SORT1: variants seen among roughly 807,000 people sequenced by gnomAD.
SORT1 encodes the protein sortilin 1, also known as sortilin.
In SORT1, 39 loss-of-function variants were observed where a neutral mutation model predicts 101.7. The ratio of observed to expected loss-of-function variants is 0.38; its 90% confidence interval spans 0.30 to 0.50. The LOEUF (loss-of-function observed/expected upper bound fraction) is 0.50, where lower values mean the gene tolerates loss of function less well. Among genes scored for constraint, SORT1 ranks in the 20% least tolerant of loss-of-function variants. The pLI is 0.90. For missense variants in SORT1, 878 were observed against 1,040.4 expected, an observed-to-expected ratio of 0.84 and a Z score of 2.15; for synonymous variants, 396 against 393.7, an observed-to-expected ratio of 1.01 and a Z score of -0.07.
intron 3 of SORT1, among the ~76,000 whole-genome samples, chr1:109,362,486 T>C (rs1650789290): frequency 6.6e-6 from 1 of 152,212 alleles, no homozygotes; most frequent in African/African-American, 2.4e-5. Context: ...GAATTCATAA[T>C]AAACTTAATT....
rs988285986 is a variant in SORT1 at position 109,313,190 on chromosome 1, G to A, written c.*853C>T. Reference sequence around the variant, plus strand: ...CCTGGGCAGACTTCCAGCTAAGTTTGTACCCTGTCCTTGCGTAAGTCTACT... The same window carrying A: ...CCTGGGCAGACTTCCAGCTAAGTTTATACCCTGTCCTTGCGTAAGTCTACT... On this transcript the variant is annotated 3_prime_UTR_variant, in exon 20 of 20. Transcript: ENST00000256637. The A allele has an allele frequency of 6.6e-6, 1 of 152,458 alleles. No individual in the cohort carries two copies. The highest frequency in any genetic ancestry group is 1.5e-5 in the Non-Finnish European group (1 of 68,040). 9.4% of individuals were successfully genotyped at this position (152,458 alleles called of 1,614,324 possible).
chr1:109,345,955 A>T, intron 7 of SORT1, 74 bp from the exon 8 acceptor site: 1 of 1,279,444 alleles, frequency 7.8e-7, no homozygotes, highest in Non-Finnish European at 1.1e-6. Context: ...TTTTAGAATC[A>T]ATCTTAATTT....
chr1:109,357,181 G>A (rs746363972), intron 3 of SORT1, among the ~76,000 whole-genome samples: 60 of 152,336 alleles, frequency 3.9e-4, no homozygotes, highest in Non-Finnish European at 4.4e-4. Context: ...TGTTGCCTAG[G>A]AACAAGAAGT....
chr1:109,350,515 T>A (rs1649892331), intron 6 of SORT1, among the ~76,000 whole-genome samples: 1 of 152,212 alleles, frequency 6.6e-6, no homozygotes, highest in African/African-American at 2.4e-5. Flanking sequence ...CTCTTTCAGC[T>A]TTCTTCCTGA....
intron 3 of SORT1, among the ~76,000 whole-genome samples, chr1:109,362,066 G>A (rs1443999509): frequency 1.3e-5 from 2 of 152,124 alleles, no homozygotes; most frequent in Non-Finnish European, 2.9e-5. Context: ...AGACTTTGAT[G>A]TGCCTCATGG....
At chr1:109,375,142 T>C (rs1651742705) in intron 1 of SORT1, among the ~76,000 whole-genome samples, 1 of 152,176 alleles carries the variant, frequency 6.6e-6, no homozygotes, top group South Asian at 2.1e-4. Context: ...TTTCTACAAA[T>C]GTTCTTAAAG....
At chr1:109,351,965 GGTGTGTGTGTGTGTGTGTGTGT>G (rs10540637) in intron 5 of SORT1, among the ~76,000 whole-genome samples, 2 of 147,412 alleles carry the variant, frequency 1.4e-5, no homozygotes, top group East Asian at 4.1e-4. Flanking sequence ...GAGAGGTAGG[GGTGTGTGTGTGTGTGTGTGTGT>G]GTGTGTGTGT....
chr1:109,397,486 G>C (rs1472947563), intron 1 of SORT1, 101 bp downstream of exon 1: 1 of 823,412 alleles, frequency 1.2e-6, no homozygotes, highest in African/African-American at 1.9e-5. Flanking sequence ...GGGCGCGGCA[G>C]GGCTGGGGTC....
intron 3 of SORT1, among the ~76,000 whole-genome samples, chr1:109,365,993 T>C (rs1030636758): frequency 6.6e-6 from 1 of 152,196 alleles, no homozygotes; most frequent in Non-Finnish European, 1.5e-5. Flanking sequence ...AAAGTACCAT[T>C]ACTCCTGGGA....
intron 1 of SORT1, among the ~76,000 whole-genome samples, chr1:109,375,436 G>A (rs1004754473): frequency 1.3e-5 from 2 of 150,718 alleles, no homozygotes; most frequent in South Asian, 2.1e-4. Context: ...CCAGCTACGC[G>A]GGAGGCTGAG....
intron 15 of SORT1, among the ~76,000 whole-genome samples, chr1:109,318,466 A>C (rs2101531363): frequency 6.6e-6 from 1 of 152,140 alleles, no homozygotes; most frequent in Non-Finnish European, 1.5e-5. Context: ...GGCCTTATTA[A>C]GGAAAAGAAG....
intron 11 of SORT1, among the ~76,000 whole-genome samples, chr1:109,333,205 C>T (rs190517585): frequency 6.6e-5 from 10 of 152,254 alleles, no homozygotes; most frequent in African/African-American, 1.4e-4. Context: ...GGATTACAGG[C>T]GTGAGCCACC....
Position 109,355,488 on chromosome 1 carries a change from G to C in SORT1, c.441-19C>G. Reference sequence around the variant, plus strand: ...ATCCTCACTGAGAGGAAGAAAAAAAGGGCAAATTTAGGGTGCAGTGGTCAT... The same window carrying C: ...ATCCTCACTGAGAGGAAGAAAAAAACGGCAAATTTAGGGTGCAGTGGTCAT... On this transcript the variant is annotated intron_variant, in intron 3 of 19. Coordinates refer to ENST00000256637, the MANE Select transcript of SORT1 (RefSeq NM_002959.7). 1 of 1,267,008 alleles carries C rather than the reference G, an allele frequency of 7.9e-7. No homozygotes were observed. The highest frequency in any genetic ancestry group is 1.2e-5 in the South Asian group (1 of 84,080). 78.5% of individuals were successfully genotyped at this position (1,267,008 alleles called of 1,614,324 possible).
At chr1:109,381,604 T>C (rs973228467) in intron 1 of SORT1, among the ~76,000 whole-genome samples, 1 of 152,154 alleles carries the variant, frequency 6.6e-6, no homozygotes, top group African/African-American at 2.4e-5. Flanking sequence ...GCACAGTGGC[T>C]CACACCTATA....
intron 5 of SORT1, among the ~76,000 whole-genome samples, chr1:109,352,507 C>G (rs1211952591): frequency 6.6e-6 from 1 of 152,164 alleles, no homozygotes; most frequent in Non-Finnish European, 1.5e-5. Context: ...TTACTGAGCT[C>G]CGCCTCAGTG....
chr1:109,390,417 A>G (rs1362751253), intron 1 of SORT1, among the ~76,000 whole-genome samples: 1 of 152,170 alleles, frequency 6.6e-6, no homozygotes, highest in Non-Finnish European at 1.5e-5. Context: ...TTGACCCTCC[A>G]AACAATCCTA....
intron 17 of SORT1, among the ~76,000 whole-genome samples, chr1:109,316,516 G>A (rs1647229568): frequency 6.6e-6 from 1 of 152,164 alleles, no homozygotes; most frequent in Non-Finnish European, 1.5e-5. Flanking sequence ...ACAGGTGTGA[G>A]CCACTGTACC....
intron 14 of SORT1, among the ~76,000 whole-genome samples, chr1:109,323,592 G>A (rs1313779668): frequency 6.6e-6 from 1 of 152,216 alleles, no homozygotes. Flanking sequence ...GCTTAAGGAA[G>A]AAGGGAAAAC....
At chr1:109,328,456 C>A (rs1403414983) in intron 11 of SORT1, among the ~76,000 whole-genome samples, 1 of 152,148 alleles carries the variant, frequency 6.6e-6, no homozygotes, top group African/African-American at 2.4e-5. Context: ...GTGGTTTTGA[C>A]TTGCATTTTC....
Sources: gnomAD v4.1 joint callset for allele counts (sites outside exome capture counted in the v4.1 genomes callset) on GRCh38, gnomAD v4.1.1 for gene constraint, MANE v1.5 for transcripts, NCBI Gene and HGNC (gene_info 2026-07-23, HGNC 2026-07-21) for gene names.